Variants in TFCP2 observed in about 807,000 individuals in gnomAD.
TFCP2 encodes transcription factor CP2.
A neutral mutation model predicts 73.4 loss-of-function variants in TFCP2; 33 were observed. The ratio of observed to expected loss-of-function variants is 0.45; its 90% confidence interval spans 0.34 to 0.60. TFCP2 has a LOEUF of 0.60. TFCP2 is among the 20% of genes least tolerant of loss of function. The probability of loss-of-function intolerance (pLI) is 0.01; values close to 1 mark genes in which losing one functional copy is unlikely to be tolerated. For synonymous variants in TFCP2, 193 were observed against 211.6 expected, an observed-to-expected ratio of 0.91 and a Z score of 0.76; for missense variants, 352 against 604.0, an observed-to-expected ratio of 0.58 and a Z score of 4.37.
At chr12:51,154,409 T>C (rs1166740210) in intron 1 of TFCP2, among the ~76,000 whole-genome samples, 1 of 152,218 alleles carries the variant, frequency 6.6e-6, no homozygotes, top group African/African-American at 2.4e-5. Context: ...ATTATATAAA[T>C]GTGGCTGGGC....
At position 51,106,582 on chromosome 12, in the gene TFCP2, T is replaced by C. The variant is rs567082942; in HGVS notation, c.860A>G (p.Asn287Ser). Residue 287 changes from asparagine (N) to serine (S), a missense_variant, in exon 8 of 15, where the codon AAT (asparagine) becomes AGT (serine). Transcript: ENST00000257915. ...CSPWPEITYV[N>S]NSPSPGFNSS... ...GTTGAAGCCAGGTGATGGGGAGTTA[T>C]TGACATACGTGATCTCGGGCCATGG... The C allele has an allele frequency of 3.7e-6, 6 of 1,613,582 alleles. No homozygotes were observed. Among genetic ancestry groups the C allele is most frequent in the African/African-American group, 1.3e-5 (1 of 74,992 alleles).
At chr12:51,099,599 T>C in intron 12 of TFCP2, 56 bp downstream of exon 12, 3 of 1,595,078 alleles carry the variant, frequency 1.9e-6, no homozygotes, top group South Asian at 1.1e-5. Flanking sequence ...CACATGCCCA[T>C]AAGTTATCTC....
At chr12:51,103,524 G>T (rs1242270960) in intron 10 of TFCP2, 146 bp downstream of exon 10, 1 of 575,502 alleles carries the variant, frequency 1.7e-6, no homozygotes, top group Non-Finnish European at 3.0e-6. Flanking sequence ...AGTCTTAAGG[G>T]TTCTATGAAA....
At chr12:51,101,337 C>T (rs1169049470) in intron 11 of TFCP2, among the ~76,000 whole-genome samples, 1 of 152,030 alleles carries the variant, frequency 6.6e-6, no homozygotes, top group Non-Finnish European at 1.5e-5. Flanking sequence ...TTCCCACCCA[C>T]ATTTAAGAAT....
intron 1 of TFCP2, among the ~76,000 whole-genome samples, chr12:51,164,108 T>C (rs567004431): frequency 1.3e-5 from 2 of 151,798 alleles, no homozygotes; most frequent in South Asian, 4.2e-4. Flanking sequence ...GAGGCTGAGG[T>C]AGGAGGATCA....
chr12:51,103,843 C>A, intron 9 of TFCP2, 80 bp from the exon 10 acceptor site: 1 of 1,088,788 alleles, frequency 9.2e-7, no homozygotes, highest in South Asian at 1.3e-5. Context: ...CCAAACACCC[C>A]ACACAACCCC....
At position 51,116,318 on chromosome 12, in the gene TFCP2, T is replaced by C; in HGVS notation, c.454A>G (p.Ile152Val). 1.3e-6 allele frequency: 2 copies of C among 1,585,164 alleles called. No homozygotes were observed. Among genetic ancestry groups the C allele is most frequent in the East Asian group, 2.2e-5 (1 of 44,624 alleles). Residue 152 changes from isoleucine (I) to valine (V), a missense_variant, in exon 4 of 15, where the codon ATA becomes GTA. By Grantham distance (29) the Ile-to-Val change is conservative (BLOSUM62 3). Coordinates refer to ENST00000257915, the MANE Select transcript of TFCP2 (RefSeq NM_005653.5). The stretch of plus-strand genomic sequence containing the variant: ...GCAATAGATTCTCTTAACTCACCTA[T>C]GTCAAGAATTCTGTCTCCAGGTCGG... ...WNRPGDRILD[I>V]DIPMSVGIID...
rs766994982 is a variant in TFCP2 at position 51,099,732 on chromosome 12, T to G, written c.1199A>C (p.Gln400Pro). 5.6e-6 allele frequency: 9 copies of G among 1,614,200 alleles called. No homozygotes were observed. The highest frequency in any genetic ancestry group is 7.6e-6 in the Non-Finnish European group (9 of 1,180,028). The change falls in exon 12 of 15, where the codon CAG (glutamine) becomes CCG (proline). Residue 400 changes from glutamine to proline, a missense_variant. Physicochemically the swap from Gln to Pro is moderately conservative, Grantham distance 76 (BLOSUM62 -1). Transcript: ENST00000257915. ...LTIYVCQESLQLREQQQQQQQ... is the reference protein window; with the variant it reads ...LTIYVCQESLPLREQQQQQQQ... ...CTGCTGTTGTTGCTGCTCCCTCAAC[T>G]GCAGTGATTCCTGACAAACATAAAT...
chr12:51,149,178 A>T lies in TFCP2; in HGVS notation c.122+23123T>A, dbSNP rs867147379. Among the ~76,000 whole-genome samples the T allele has an allele frequency of 2.6e-5, 4 of 152,224 alleles. No individual in the cohort carries two copies. The South Asian group carries it at 6.2e-4, about 24-fold the overall frequency. ...AAGTGAAGTAACTCAGGAATGGAAAACCAAACATCGTATGTTTTCATTCAT... is the reference window on the plus strand; with the variant it reads ...AAGTGAAGTAACTCAGGAATGGAAATCCAAACATCGTATGTTTTCATTCAT... On this transcript the variant is annotated intron_variant, in intron 1 of 14. Coordinates refer to ENST00000257915, the MANE Select transcript of TFCP2 (RefSeq NM_005653.5).
At chr12:51,095,373 G>A (rs970787457) in intron 14 of TFCP2, 95 bp from the exon 15 acceptor site, 6 of 1,347,392 alleles carry the variant, frequency 4.5e-6, no homozygotes, top group Non-Finnish European at 6.3e-6. Flanking sequence ...GAGAAGGGGA[G>A]AAAAGGGAGG....
chr12:51,100,659 T>C (rs1021056267), intron 11 of TFCP2, among the ~76,000 whole-genome samples: 1 of 151,928 alleles, frequency 6.6e-6, no homozygotes, highest in Non-Finnish European at 1.5e-5. Context: ...CTACAAAAAG[T>C]ACAAAATTAG....
intron 1 of TFCP2, among the ~76,000 whole-genome samples, chr12:51,137,665 G>A (rs1941091201): frequency 6.6e-6 from 1 of 152,070 alleles, no homozygotes; most frequent in South Asian, 2.1e-4. Context: ...TTTCCAGTTA[G>A]GCAAAAAATG....
At chr12:51,103,424 T>C (rs1052504148) in intron 10 of TFCP2, among the ~76,000 whole-genome samples, 2 of 152,274 alleles carry the variant, frequency 1.3e-5, no homozygotes, top group African/African-American at 4.8e-5. Context: ...AAAAGCGTTG[T>C]ATGAAATAAG....
Position 51,172,404 on chromosome 12 carries a change from G to C in TFCP2, c.19C>G (p.Leu7Val), listed in dbSNP as rs1283805683. Residue 7 changes from leucine (L) to valine (V), a missense_variant, in exon 1 of 15, where the codon CTG becomes GTG. Physicochemically the swap from Leu to Val is conservative, Grantham distance 32. Transcript: ENST00000257915. MAWALK[L>V]PLADEVIESG... ...TCAATCACTTCGTCGGCCAGAGGCA[G>C]CTTCAGAGCCCAGGCCATCCTGGCT... 5 of 1,614,152 alleles carry C rather than the reference G, an allele frequency of 3.1e-6. No homozygotes were observed. The highest frequency in any genetic ancestry group is 3.4e-6 in the Non-Finnish European group (4 of 1,180,030).
In TFCP2 at chr12:51,093,950, GAAGA is replaced by G. The variant is rs1255011628; in HGVS notation, c.*1287_*1290del. 1.3e-5 allele frequency: 2 copies of G among 149,520 alleles called. No homozygotes were observed. The highest frequency in any genetic ancestry group is 2.1e-4 in the South Asian group (1 of 4,732). 9.3% of individuals were successfully genotyped at this position (149,520 alleles called of 1,614,324 possible). On this transcript the variant is annotated 3_prime_UTR_variant, in exon 15 of 15. Coordinates refer to ENST00000257915, the MANE Select transcript of TFCP2 (RefSeq NM_005653.5). Reference sequence around the variant, plus strand: ...TATTTCTAGATAAAACTTTACAAGTGAAGAAAGAAAACCCATGATGTTACACTTA... The same window carrying G: ...TATTTCTAGATAAAACTTTACAAGTGAAGAAAACCCATGATGTTACACTTA...
At chr12:51,157,018 C>T (rs7136115) in intron 1 of TFCP2, 527 of 3,852 alleles carry the variant, frequency 0.14, 7 homozygotes, top group Non-Finnish European at 0.2. Context: ...TCTTTTTTTT[C>T]TTTTTTTTTT....
chr12:51,109,034 C>A lies in TFCP2; in HGVS notation c.717+87G>T, dbSNP rs899864407. Reference sequence around the variant, plus strand: ...GTGTGTGTGAGTTTTCAAAAAAAGACAAGTTGATTTTCTGACTTGGTAACT... The same window carrying A: ...GTGTGTGTGAGTTTTCAAAAAAAGAAAAGTTGATTTTCTGACTTGGTAACT... On this transcript the variant is annotated intron_variant, in intron 6 of 14. Coordinates refer to ENST00000257915, the MANE Select transcript of TFCP2 (RefSeq NM_005653.5). 22 of 1,462,340 alleles carry A rather than the reference C, an allele frequency of 1.5e-5. No individual in the cohort carries two copies. The African/African-American group carries it at 3.1e-4, about 21-fold the overall frequency. The allele number at this position is 1,462,340 out of a possible 1,614,324, so 90.6% of individuals were successfully genotyped here. A position where few individuals can be genotyped will look rare whatever the true frequency, so the allele number is the denominator to read the frequency against.
At chr12:51,170,407 T>C (rs1329981353) in intron 1 of TFCP2, among the ~76,000 whole-genome samples, 1 of 151,198 alleles carries the variant, frequency 6.6e-6, no homozygotes, top group Non-Finnish European at 1.5e-5. Context: ...AGTGGTGCAA[T>C]CACAACTCAC....
intron 1 of TFCP2, among the ~76,000 whole-genome samples, chr12:51,134,523 C>A (rs981259419): frequency 2.0e-5 from 3 of 152,060 alleles, no homozygotes; most frequent in Admixed American, 6.6e-5. Context: ...TGAGCTCAAG[C>A]GATCCGCCAG....
Sources: allele counts gnomAD v4.1 joint callset (sites outside exome capture counted in the v4.1 genomes callset), GRCh38; gene constraint gnomAD v4.1.1; transcripts MANE v1.5; gene names NCBI Gene and HGNC (gene_info 2026-07-23, HGNC 2026-07-21).